ATP11C: variants seen among roughly 807,000 people sequenced by gnomAD.
ATP11C encodes ATPase phospholipid transporting 11C (ATP11C blood group), also known as phospholipid-transporting ATPase IG.
In ATP11C, 36 loss-of-function variants were observed where a neutral mutation model predicts 97.4. That is an observed-to-expected ratio of 0.37 (90% CI 0.28 to 0.49). The LOEUF (loss-of-function observed/expected upper bound fraction) is 0.49, where lower values mean the gene tolerates loss of function less well. ATP11C is among the 20% of genes least tolerant of loss of function. The pLI, the probability that ATP11C is intolerant of heterozygous loss-of-function variation, is 0.98. For synonymous variants in ATP11C, 275 were observed against 290.9 expected, an observed-to-expected ratio of 0.95 and a Z score of 0.56; for missense variants, 730 against 824.6, an observed-to-expected ratio of 0.89 and a Z score of 1.40.
chrX:139,931,953 C>T, intron 1 of ATP11C, 63 bp downstream of exon 1: 2 of 1,117,764 alleles, frequency 1.8e-6, no homozygotes, highest in Non-Finnish European at 2.4e-6. Flanking sequence ...TTGTGAGGGA[C>T]CCGGCGAAGG....
chrX:139,855,433 C>CTTTTCACCAGCCTGG (rs1172735702), intron 1 of ATP11C, among the ~76,000 whole-genome samples: 1 of 111,301 alleles, frequency 9.0e-6, no homozygotes, highest in East Asian at 2.8e-4. Flanking sequence ...AAGGAAAACT[C>CTTTTCACCAGCCTGG]GAGCCAGCCT....
intron 1 of ATP11C, among the ~76,000 whole-genome samples, chrX:139,834,008 A>C (rs779812200): frequency 1.8e-5 from 2 of 111,783 alleles, no homozygotes; most frequent in African/African-American, 3.3e-5. Context: ...AACTCTAGCA[A>C]CTGGGCCAGC....
In ATP11C at chrX:139,728,907, T is replaced by C. The variant is rs2081290968; in HGVS notation, c.*59A>G. ...TTCTTCATGCTTTCTTTTTTAGCTG[T>C]AACCACTGTCAGTATGCTTGTAGGA... On this transcript the variant is annotated 3_prime_UTR_variant, in exon 30 of 30. Coordinates refer to ENST00000682941, the MANE Select transcript of ATP11C (RefSeq NM_001353812.2). 1.7e-6 allele frequency: 2 copies of C among 1,203,810 alleles called. No homozygotes were observed. Among genetic ancestry groups the C allele is most frequent in the Non-Finnish European group, 2.2e-6 (2 of 889,818 alleles).
In ATP11C at chrX:139,871,049, C is replaced by A. The variant is rs1449901795; in HGVS notation, c.28-44226G>T. Among the ~76,000 whole-genome samples, 4 of 63,235 alleles carry A rather than the reference C, an allele frequency of 6.3e-5. No homozygotes were observed. The Admixed American group carries it at 1.0e-3, about 16-fold the overall frequency. The allele number at this position is 63,235 out of a possible 115,157, so 54.9% of individuals were successfully genotyped here. On this transcript the variant is annotated intron_variant, in intron 1 of 29. Coordinates refer to ENST00000682941, the MANE Select transcript of ATP11C (RefSeq NM_001353812.2). ...CCGCAGTCCGACCTGGGCGACAGAGCGAGACTCCGTCTCAAAAAAAAAAAA... is the reference window on the plus strand; with the variant it reads ...CCGCAGTCCGACCTGGGCGACAGAGAGAGACTCCGTCTCAAAAAAAAAAAA...
intron 22 of ATP11C, among the ~76,000 whole-genome samples, chrX:139,761,403 A>T (rs2082035766): frequency 8.9e-6 from 1 of 112,196 alleles, no homozygotes; most frequent in Admixed American, 9.4e-5. Flanking sequence ...CAGACAAAAG[A>T]CCAGCAAGGT....
At chrX:139,742,908 TATATAA>T (rs1166996114) in intron 26 of ATP11C, among the ~76,000 whole-genome samples, 4 of 77,755 alleles carry the variant, frequency 5.1e-5, no homozygotes, top group African/African-American at 2.0e-4. Flanking sequence ...TATATATATA[TATATAA>T]AAATAGAGAC....
chrX:139,745,494 G>C (rs1388585041), intron 25 of ATP11C, among the ~76,000 whole-genome samples: 2 of 112,036 alleles, frequency 1.8e-5, no homozygotes, highest in African/African-American at 3.2e-5. Context: ...GCCAAGTTAA[G>C]GTTCCAGAAA....
chrX:139,798,962 C>T (rs1315279868), intron 8 of ATP11C, among the ~76,000 whole-genome samples: 1 of 110,146 alleles, frequency 9.1e-6, no homozygotes, highest in African/African-American at 3.3e-5. Context: ...GAGTAGCCAG[C>T]AACACACATA....
intron 24 of ATP11C, among the ~76,000 whole-genome samples, chrX:139,747,116 G>C (rs1466384419): frequency 3.6e-5 from 4 of 111,222 alleles, no homozygotes; most frequent in Non-Finnish European, 5.7e-5. Flanking sequence ...CCAGAAACAA[G>C]CTCTCCCTAT....
rs149608378 is a variant in ATP11C at position 139,782,682 on chromosome X, T to A, written c.1817A>T (p.Asp606Val). The A allele has an allele frequency of 8.5e-5, 102 of 1,204,707 alleles. No homozygotes were observed. The highest frequency in any genetic ancestry group is 2.3e-4 in the Middle Eastern group (1 of 4,355). Reference protein sequence around the residue: ...LCVAFKEIAPDDYERINRQLI... With the variant: ...LCVAFKEIAPVDYERINRQLI... The stretch of plus-strand genomic sequence containing the variant: ...CTGTCTGTTAATTCTTTCATAATCA[T>A]CTGGAGCAATTTCTTTGAAGGCTAC... Residue 606 changes from aspartate (D) to valine (V), a missense_variant, in exon 18 of 30, where the codon GAT (aspartate) becomes GTT (valine). Transcript: ENST00000682941.
chrX:139,814,984 C>A lies in ATP11C; in HGVS notation c.320G>T (p.Gly107Val). ...TCTGTGTCTCAGACAATCCTCATAT[C>A]CCTGAAAGATAAAAATAACTATATA... ...FVITVTAIKQ[G>V]YEDCLRHRAD... Residue 107 changes from glycine to valine, a missense_variant and splice_region_variant, in exon 5 of 30, where the codon GGA becomes GTA. By Grantham distance (109) the Gly-to-Val change is moderately radical. Coordinates refer to ENST00000682941, the MANE Select transcript of ATP11C (RefSeq NM_001353812.2). 9.5e-7 allele frequency: 1 copy of A among 1,056,835 alleles called. No individual in the cohort carries two copies. Among genetic ancestry groups the A allele is most frequent in the Non-Finnish European group, 1.3e-6 (1 of 778,442 alleles). 87.1% of individuals were successfully genotyped at this position (1,056,835 alleles called of 1,213,427 possible). A position where few individuals can be genotyped will look rare whatever the true frequency, so the allele number is the denominator to read the frequency against.
chrX:139,922,223 AATATATATATATAT>A (rs201394639), intron 1 of ATP11C, among the ~76,000 whole-genome samples: 1,363 of 43,701 alleles, frequency 0.031, 77 homozygotes, highest in African/African-American at 0.097. Flanking sequence ...TCCTTCTCTA[AATATATATATATAT>A]ATATATATAT....
intron 12 of ATP11C, among the ~76,000 whole-genome samples, chrX:139,793,899 G>A (rs1178678886): frequency 1.8e-5 from 2 of 111,093 alleles, no homozygotes; most frequent in African/African-American, 3.3e-5. Flanking sequence ...AGGGTTTCTT[G>A]TTTACTTCAT....
chrX:139,919,489 AC>A (rs2085219427), intron 1 of ATP11C, among the ~76,000 whole-genome samples: 2 of 106,687 alleles, frequency 1.9e-5, no homozygotes, highest in African/African-American at 7.1e-5. Context: ...ACACACACAC[AC>A]ACAAACTACT....
intron 1 of ATP11C, among the ~76,000 whole-genome samples, chrX:139,886,848 T>C (rs934877947): frequency 2.7e-5 from 3 of 110,237 alleles, no homozygotes; most frequent in Admixed American, 9.8e-5. Flanking sequence ...CAAAAATTTA[T>C]AAGGTAACTC....
chrX:139,771,601 G>T (rs1380189666), intron 19 of ATP11C, among the ~76,000 whole-genome samples: 5 of 111,583 alleles, frequency 4.5e-5, no homozygotes. Flanking sequence ...GATATGAAAA[G>T]TAAGGTTCAG....
At position 139,738,003 on chromosome X, in the gene ATP11C, C is replaced by T. The variant is rs1295591659; in HGVS notation, c.3201G>A (p.Trp1067Ter). ...FAQMLSSVST[W>*]LAIILLIFIS... ...TAAATATTAGAAGAATTATAGCCAACCATGTGGATACAGAAGACAGCATTT... is the reference window on the plus strand; with the variant it reads ...TAAATATTAGAAGAATTATAGCCAATCATGTGGATACAGAAGACAGCATTT... Residue 1067 changes from tryptophan to a stop codon, truncating the protein, a stop_gained, in exon 28 of 30, where the codon TGG becomes TGA. Transcript: ENST00000682941. LOFTEE classifies it high-confidence loss of function. The T allele has an allele frequency of 8.3e-7, 1 of 1,204,774 alleles. No individual in the cohort carries two copies. Among genetic ancestry groups the T allele is most frequent in the Admixed American group, 2.2e-5 (1 of 45,711 alleles).
In ATP11C at chrX:139,872,526, C is replaced by T. The variant is rs755901154; in HGVS notation, c.28-45703G>A. Among the ~76,000 whole-genome samples, 29 of 104,280 alleles carry T rather than the reference C, an allele frequency of 2.8e-4. No homozygotes were observed. In the South Asian group the frequency reaches 3.0e-3, roughly 11 times the overall value. 90.6% of individuals were successfully genotyped at this position (104,280 alleles called of 115,157 possible). On this transcript the variant is annotated intron_variant, in intron 1 of 29. Transcript: ENST00000682941. Reference sequence around the variant, plus strand: ...ATCCCTCCCCGCTCCCTCCACCCCACGACAGGCCCCGGTGTGTGATGTTCC... The same window carrying T: ...ATCCCTCCCCGCTCCCTCCACCCCATGACAGGCCCCGGTGTGTGATGTTCC...
At chrX:139,897,670 C>CA (rs750202200) in intron 1 of ATP11C, among the ~76,000 whole-genome samples, 6,256 of 77,002 alleles carry the variant, frequency 0.081, 300 homozygotes, top group East Asian at 0.31. Flanking sequence ...GACTCTGTCT[C>CA]AAAAAAAAAA....
Sources: allele counts gnomAD v4.1 joint callset (sites outside exome capture counted in the v4.1 genomes callset), GRCh38; gene constraint gnomAD v4.1.1; transcripts MANE v1.5; gene names NCBI Gene and HGNC (gene_info 2026-07-23, HGNC 2026-07-21).